CAPN7: variants seen among roughly 807,000 people sequenced by gnomAD.
CAPN7 encodes calpain 7.
In CAPN7, 72 loss-of-function variants were observed where a neutral mutation model predicts 115.2. The ratio of observed to expected loss-of-function variants is 0.63; its 90% CI spans 0.52 to 0.76. The LOEUF (loss-of-function observed/expected upper bound fraction) is 0.76, where lower values mean the gene tolerates loss of function less well. Ranked by LOEUF, CAPN7 falls within the 30% of genes least tolerant of loss-of-function variation. The pLI is 0.00. For missense variants in CAPN7, 905 were observed against 971.5 expected (o/e 0.93, Z 0.91); for synonymous variants, 344 against 322.3 (o/e 1.07, Z -0.72).
intron 16 of CAPN7, among the ~76,000 whole-genome samples, chr3:15,245,111 C>CA (rs1298467693): frequency 0.1 from 9,885 of 97,878 alleles, 999 homozygotes; most frequent in African/African-American, 0.27. Context: ...CTAGAATGAC[C>CA]AAAAAAAAAA....
At position 15,233,949 on chromosome 3, in the gene CAPN7, A is replaced by T. The variant is rs762633863; in HGVS notation, c.1262A>T (p.Asn421Ile). ...GATAGCCAAACTTTCAGTAAGGATA[A>T]TTCTTTCAGAATGCTTTATCAAAGG... ...HSDSQTFSKDNSFRMLYQRFH... is the reference protein window; with the variant it reads ...HSDSQTFSKDISFRMLYQRFH... The change falls in exon 11 of 21, where the codon AAT (asparagine) becomes ATT (isoleucine). Residue 421 changes from asparagine to isoleucine, a missense_variant. Physicochemically the swap from Asn to Ile is moderately radical, Grantham distance 149 (BLOSUM62 -3). This residue lies in a region of CAPN7 where 620 missense variants were observed against 703.4 expected (regional missense o/e 0.88). Coordinates refer to ENST00000253693, the MANE Select transcript of CAPN7 (RefSeq NM_014296.3). 1.5e-5 allele frequency: 23 copies of T among 1,579,712 alleles called. No individual in the cohort carries two copies. Among genetic ancestry groups the T allele is most frequent in the Non-Finnish European group, 1.9e-5 (22 of 1,151,738 alleles).
rs987643156 is a variant in CAPN7, at chr3:15,241,547, G to T, written c.1747G>T (p.Ala583Ser). 6.2e-7 allele frequency: 1 copy of T among 1,614,080 alleles called. No homozygotes were observed. Among genetic ancestry groups the T allele is most frequent in the South Asian group, 1.1e-5 (1 of 91,074 alleles). The change falls in exon 15 of 21, where the codon GCT becomes TCT. Residue 583 changes from alanine (A) to serine (S), a missense_variant. By Grantham distance (99) the Ala-to-Ser change is moderately conservative. Transcript: ENST00000253693. The stretch of plus-strand genomic sequence containing the variant: ...GGAGGTGCAGTGTCCACAGGGGGGT[G>T]CTGCAGTTTGGGTTTTGCTTAGTAG... Reference protein sequence around the residue: ...KLEVQCPQGGAAVWVLLSRHI... With the variant: ...KLEVQCPQGGSAVWVLLSRHI...
intron 4 of CAPN7, 92 bp downstream of exon 4, chr3:15,218,632 A>G (rs1165267709): frequency 1.0e-5 from 9 of 868,772 alleles, no homozygotes; most frequent in Admixed American, 2.1e-5. Context: ...CTGCAGTAAC[A>G]AACCTCCATC....
chr3:15,222,894 A>G (rs1360442650), intron 5 of CAPN7, among the ~76,000 whole-genome samples: 2 of 152,240 alleles, frequency 1.3e-5, no homozygotes, highest in Non-Finnish European at 2.9e-5. Context: ...TTACTCTGCA[A>G]CATCTCATAA....
intron 5 of CAPN7, 135 bp from the exon 6 acceptor site, chr3:15,223,340 T>C (rs1224062849): frequency 3.2e-6 from 2 of 628,444 alleles, no homozygotes; most frequent in Non-Finnish European, 5.6e-6. Flanking sequence ...TGTCCAAAGA[T>C]ATATCAACAA....
At position 15,251,020 on chromosome 3, in the gene CAPN7, A is replaced by G. The variant is rs1455989650; in HGVS notation, c.2294A>G (p.Tyr765Cys). ...HGFLRKSSGD[Y>C]RCGFCYLELE... Reference sequence around the variant, plus strand: ...TTTCTGAGGAAATCTAGTGGTGACTATAGGTAATGTTGGCATTTTTATTGT... The same window carrying G: ...TTTCTGAGGAAATCTAGTGGTGACTGTAGGTAATGTTGGCATTTTTATTGT... The change falls in exon 20 of 21, where the codon TAT (tyrosine) becomes TGT (cysteine). Residue 765 changes from tyrosine to cysteine, a missense_variant. Transcript: ENST00000253693. 1.9e-6 allele frequency: 3 copies of G among 1,610,792 alleles called. No individual in the cohort carries two copies. Among genetic ancestry groups the G allele is most frequent in the Non-Finnish European group, 2.5e-6 (3 of 1,177,530 alleles).
Position 15,240,854 on chromosome 3 carries a change from G to A in CAPN7, c.1652+1G>A. The A allele has an allele frequency of 6.3e-7, 1 of 1,574,890 alleles. No homozygotes were observed. Among genetic ancestry groups the A allele is most frequent in the Non-Finnish European group, 8.7e-7 (1 of 1,145,964 alleles). ...TTAAAGAATCAACATGTATTCACAG[G>A]TAACTTTTTGCACATTGCAGAGTAT... On this transcript the variant is annotated splice_donor_variant, in intron 14 of 20. Coordinates refer to ENST00000253693, the MANE Select transcript of CAPN7 (RefSeq NM_014296.3). LOFTEE classifies it high-confidence loss of function.
At position 15,220,797 on chromosome 3, in the gene CAPN7, G is replaced by A. The variant is rs1170234405; in HGVS notation, c.454G>A (p.Glu152Lys). ...CTGTTATAGAGCAGAAGCGCTGAGTGAGCCTTTGACCAAGCCAGTTGGCAA... is the reference window on the plus strand; with the variant it reads ...CTGTTATAGAGCAGAAGCGCTGAGTAAGCCTTTGACCAAGCCAGTTGGCAA... The part of the protein sequence containing the change: ...QALDRAEALS[E>K]PLTKPVGKIS... The change falls in exon 5 of 21, where the codon GAG becomes AAG. Residue 152 changes from glutamate (E) to lysine (K), a missense_variant. Transcript: ENST00000253693. The A allele has an allele frequency of 6.2e-7, 1 of 1,614,156 alleles. No homozygotes were observed. Among genetic ancestry groups the A allele is most frequent in the Admixed American group, 1.7e-5 (1 of 60,024 alleles).
At chr3:15,242,370 A>G in intron 16 of CAPN7, 117 bp downstream of exon 16, 2 of 642,368 alleles carry the variant, frequency 3.1e-6, no homozygotes, top group South Asian at 2.3e-5. Flanking sequence ...TTATGTTGAT[A>G]GACTAATAGA....
At chr3:15,240,970 C>T (rs1052670873) in intron 14 of CAPN7, 117 bp downstream of exon 14, 18 of 620,970 alleles carry the variant, frequency 2.9e-5, no homozygotes, top group Admixed American at 6.0e-5. Flanking sequence ...TTTGGGAGGC[C>T]GAGGTGGGTG....
At chr3:15,228,574 C>A (rs1262683440) in intron 7 of CAPN7, among the ~76,000 whole-genome samples, 3 of 152,142 alleles carry the variant, frequency 2.0e-5, no homozygotes, top group Non-Finnish European at 4.4e-5. Flanking sequence ...ATGGATGGAG[C>A]TGGAGGCCAT....
chr3:15,221,346 A>ATTTTT (rs772108590), intron 5 of CAPN7, among the ~76,000 whole-genome samples: 2 of 104,332 alleles, frequency 1.9e-5, no homozygotes, highest in South Asian at 3.0e-4. Context: ...CATCTGACTA[A>ATTTTT]TTTTTTTTTT....
chr3:15,209,080 G>A (rs951829259), intron 1 of CAPN7, among the ~76,000 whole-genome samples: 4 of 151,754 alleles, frequency 2.6e-5, no homozygotes, highest in Admixed American at 2.0e-4. Flanking sequence ...GCACAATCTC[G>A]ACTCGCTGCA....
intron 12 of CAPN7, among the ~76,000 whole-genome samples, chr3:15,238,177 G>C (rs1050231101): frequency 7.5e-6 from 1 of 133,094 alleles, no homozygotes; most frequent in African/African-American, 2.8e-5. Context: ...GCAGTGGCGC[G>C]GTCTCAGCTC....
chr3:15,239,061 T>G (rs1695185649), intron 12 of CAPN7, among the ~76,000 whole-genome samples: 1 of 152,060 alleles, frequency 6.6e-6, no homozygotes, highest in Non-Finnish European at 1.5e-5. Context: ...GTTAAATTTT[T>G]TGAAAAGAAA....
At chr3:15,212,073 A>G (rs753969497) in intron 1 of CAPN7, 31 bp from the exon 2 acceptor site, 17 of 1,412,464 alleles carry the variant, frequency 1.2e-5, no homozygotes, top group Non-Finnish European at 1.5e-5. Flanking sequence ...TAATACATCT[A>G]TTGGATTCCT....
intron 5 of CAPN7, among the ~76,000 whole-genome samples, chr3:15,221,648 C>T (rs1264607342): frequency 6.7e-6 from 1 of 149,314 alleles, no homozygotes; most frequent in Non-Finnish European, 1.5e-5. Flanking sequence ...AACCAGAGCC[C>T]TAATGGGAGA....
intron 19 of CAPN7, among the ~76,000 whole-genome samples, chr3:15,249,025 C>CAAAA (rs59492817): frequency 7.6e-6 from 1 of 130,760 alleles, no homozygotes; most frequent in Admixed American, 8.8e-5. Context: ...AAAAAAAAAA[C>CAAAA]AAAAACAGAA....
intron 11 of CAPN7, among the ~76,000 whole-genome samples, chr3:15,234,361 G>C (rs982204395): frequency 7.9e-5 from 12 of 152,102 alleles, no homozygotes; most frequent in African/African-American, 2.9e-4. Flanking sequence ...CATCATGCCT[G>C]ATTTAGAATA....
Sources: gnomAD v4.1 joint callset for allele counts (sites outside exome capture counted in the v4.1 genomes callset) on GRCh38, gnomAD v4.1.1 for gene constraint, gnomAD v4.1.1 regional missense constraint, MANE v1.5 for transcripts, NCBI Gene and HGNC (gene_info 2026-07-23, HGNC 2026-07-21) for gene names.